Variants in ZBTB16 observed in about 807,000 individuals in gnomAD.
The protein encoded by ZBTB16 is zinc finger and BTB domain containing 16.
Under a neutral mutation model 56.8 loss-of-function variants are expected in ZBTB16, and 8 were observed. That is an observed-to-expected ratio of 0.14 (90% CI 0.08 to 0.25). ZBTB16 has a LOEUF of 0.25. ZBTB16 is among the 10% of genes least tolerant of loss of function. ZBTB16 has a pLI of 1.00. For synonymous variants in ZBTB16, 363 were observed against 368.5 expected, an observed-to-expected ratio of 0.98 and a Z score of 0.17; for missense variants, 625 against 903.0, an observed-to-expected ratio of 0.69 and a Z score of 3.95.
At chr11:114,126,773 T>C (rs1044845787) in intron 2 of ZBTB16, among the ~76,000 whole-genome samples, 2 of 152,114 alleles carry the variant, frequency 1.3e-5, no homozygotes, top group African/African-American at 4.8e-5. Flanking sequence ...CACATGACCT[T>C]GGGAGAGAAG....
chr11:114,249,771 CAA>C (rs55732116), intron 6 of ZBTB16, among the ~76,000 whole-genome samples: 2 of 59,334 alleles, frequency 3.4e-5, no homozygotes, highest in Non-Finnish European at 5.7e-5. Flanking sequence ...GACTCCGTCT[CAA>C]AAAAAAAAAA....
At chr11:114,203,823 G>T (rs1252100633) in intron 4 of ZBTB16, among the ~76,000 whole-genome samples, 2 of 152,068 alleles carry the variant, frequency 1.3e-5, no homozygotes, top group East Asian at 3.9e-4. Context: ...AGGGAGTAGG[G>T]GTGGCTCTGG....
At chr11:114,178,803 T>C (rs1943179962) in intron 3 of ZBTB16, among the ~76,000 whole-genome samples, 1 of 152,166 alleles carries the variant, frequency 6.6e-6, no homozygotes, top group African/African-American at 2.4e-5. Context: ...TGTCTCAGCA[T>C]TTCCTCCTGA....
Position 114,250,221 on chromosome 11 carries a change from C to T in ZBTB16, c.1793-105C>T. 4 of 1,314,670 alleles carry T rather than the reference C, an allele frequency of 3.0e-6. No individual in the cohort carries two copies. The highest frequency in any genetic ancestry group is 4.3e-6 in the Non-Finnish European group (4 of 924,306). 81.4% of individuals were successfully genotyped at this position (1,314,670 alleles called of 1,614,324 possible). A position where few individuals can be genotyped will look rare whatever the true frequency, so the allele number is the denominator to read the frequency against. On this transcript the variant is annotated intron_variant, in intron 6 of 6. Coordinates refer to ENST00000335953, the MANE Select transcript of ZBTB16 (RefSeq NM_006006.6). The surrounding 1 kb of genome is among the most constrained non-coding windows in gnomAD (Gnocchi z 6.0). Reference sequence around the variant, plus strand: ...CCCAGAAAGTTCTGTTGGAGCAAGCCCAGCTGGAGGAACCCAGCTTCCCTG... The same window carrying T: ...CCCAGAAAGTTCTGTTGGAGCAAGCTCAGCTGGAGGAACCCAGCTTCCCTG...
At chr11:114,184,186 T>C (rs906619842) in intron 3 of ZBTB16, among the ~76,000 whole-genome samples, 5 of 152,218 alleles carry the variant, frequency 3.3e-5, no homozygotes, top group African/African-American at 1.2e-4. Flanking sequence ...TGCTCATCAG[T>C]AGAAGATAGG....
Position 114,064,504 on chromosome 11 carries a change from A to G in ZBTB16, c.1204A>G (p.Ile402Val), listed in dbSNP as rs533096516. The G allele has an allele frequency of 2.8e-5, 46 of 1,614,090 alleles. No homozygotes were observed. The East Asian group carries it at 6.9e-4, about 24-fold the overall frequency. The change falls in exon 2 of 7, where the codon ATC becomes GTC. Residue 402 changes from isoleucine to valine, a missense_variant. Physicochemically the swap from Ile to Val is conservative, Grantham distance 29. This residue lies in a region of ZBTB16 where 384 missense variants were observed against 393.5 expected (regional missense o/e 0.98). Transcript: ENST00000335953. This position sits in a 1 kb window ranked among gnomAD's most constrained non-coding sequence, Gnocchi z 4.2. ...AVGMKSESRT[I>V]GEQCSVCGVE... ...GGGCATGAAGTCAGAGAGCCGGACC[A>G]TCGGAGAGCAGTGCAGCGTGTGTGG... is the stretch of plus-strand genomic sequence containing the variant.
chr11:114,219,971 C>T (rs2135148661), intron 4 of ZBTB16, among the ~76,000 whole-genome samples: 1 of 152,296 alleles, frequency 6.6e-6, no homozygotes, highest in East Asian at 1.9e-4. Context: ...ATAGTCTGTC[C>T]CAGTTTGACT....
Position 114,184,661 on chromosome 11 carries a change from A to G in ZBTB16, c.1367-2291A>G, listed in dbSNP as rs1943324003. Among the ~76,000 whole-genome samples the G allele has an allele frequency of 2.6e-5, 4 of 152,152 alleles. No homozygotes were observed. The South Asian group carries it at 8.3e-4, about 32-fold the overall frequency. On this transcript the variant is annotated intron_variant, in intron 3 of 6. Transcript: ENST00000335953. ...AACCTCTCTGAGCTTGAATTTACTC[A>G]TCTGCTACCTGGAGGTAATGCTAGC...
At chr11:114,183,034 GTC>G (rs1296020631) in intron 3 of ZBTB16, among the ~76,000 whole-genome samples, 2 of 152,174 alleles carry the variant, frequency 1.3e-5, no homozygotes, top group Non-Finnish European at 1.5e-5. Flanking sequence ...AGAGGATTTT[GTC>G]TGTCTCGCTC....
chr11:114,076,766 G>A (rs1470073439), intron 2 of ZBTB16, among the ~76,000 whole-genome samples: 2 of 152,080 alleles, frequency 1.3e-5, no homozygotes, highest in Non-Finnish European at 2.9e-5. Flanking sequence ...ACTTGTCAGG[G>A]ATGCAGACCT....
intron 5 of ZBTB16, among the ~76,000 whole-genome samples, chr11:114,246,201 G>A (rs1253238015): frequency 6.6e-6 from 1 of 152,206 alleles, no homozygotes; most frequent in Non-Finnish European, 1.5e-5. Context: ...CTACAAGGAT[G>A]GGTGAGGCTT....
chr11:114,133,410 C>T (rs987516452), intron 2 of ZBTB16, among the ~76,000 whole-genome samples: 3 of 152,186 alleles, frequency 2.0e-5, no homozygotes, highest in Non-Finnish European at 4.4e-5. Flanking sequence ...CCCTTTCCTG[C>T]ATGCCCACTA....
intron 2 of ZBTB16, among the ~76,000 whole-genome samples, chr11:114,126,822 A>C (rs1456536119): frequency 6.6e-6 from 1 of 152,130 alleles, no homozygotes; most frequent in Admixed American, 6.5e-5. Context: ...TCCTTGACCT[A>C]CGAGGGGCCA....
intron 4 of ZBTB16, among the ~76,000 whole-genome samples, chr11:114,216,616 A>C (rs1565691100): frequency 6.6e-6 from 1 of 152,270 alleles, no homozygotes; most frequent in East Asian, 1.9e-4. Flanking sequence ...ATCACACCGG[A>C]GGCAGCCTGC....
chr11:114,214,189 C>G (rs1002915220), intron 4 of ZBTB16, among the ~76,000 whole-genome samples: 24 of 152,226 alleles, frequency 1.6e-4, no homozygotes, highest in African/African-American at 4.8e-4. Context: ...GGGGACAGTG[C>G]CTTACTCATC....
At chr11:114,185,080 C>A (rs544063001) in intron 3 of ZBTB16, among the ~76,000 whole-genome samples, 1 of 152,034 alleles carries the variant, frequency 6.6e-6, no homozygotes, top group South Asian at 2.1e-4. Context: ...TGGTGGCGTG[C>A]ACCTGTTGTC....
At chr11:114,145,677 G>C (rs946499920) in intron 2 of ZBTB16, among the ~76,000 whole-genome samples, 1 of 152,168 alleles carries the variant, frequency 6.6e-6, no homozygotes, top group Non-Finnish European at 1.5e-5. Context: ...TGAGTACGAG[G>C]TTTCTTTTCA....
Position 114,239,514 on chromosome 11 carries a change from G to A in ZBTB16, c.1454-2653G>A, listed in dbSNP as rs569192776. On this transcript the variant is annotated intron_variant, in intron 4 of 6. Coordinates refer to ENST00000335953, the MANE Select transcript of ZBTB16 (RefSeq NM_006006.6). ...GATGCACTGTCCTCCTGTGTACGTC[G>A]GCCAAGCAGGGAGGGACATTGAAGA... 5.0e-4 allele frequency among the ~76,000 whole-genome samples: 76 copies of A among 152,224 alleles called. 1 individual carries two copies. The South Asian group carries it at 0.015, about 30-fold the overall frequency.
intron 3 of ZBTB16, chr11:114,181,087 G>A (rs556064550): frequency 2.1e-5 from 3 of 139,988 alleles, no homozygotes; most frequent in East Asian, 2.2e-4. Context: ...GTGTGGTACT[G>A]TGTGTCTTTA....
Sources: gnomAD v4.1 joint callset for allele counts (sites outside exome capture counted in the v4.1 genomes callset) on GRCh38, gnomAD v4.1.1 for gene constraint, gnomAD v4.1.1 regional missense constraint, Gnocchi (gnomAD v3.1) non-coding constraint, MANE v1.5 for transcripts, NCBI Gene and HGNC (gene_info 2026-07-23, HGNC 2026-07-21) for gene names.